The following MYO9A variants were observed in gnomAD, a reference collection of about 807,000 sequenced individuals.
MYO9A encodes the protein myosin IXA.
In MYO9A, 103 loss-of-function variants were observed where a neutral mutation model predicts 293.3. That is an observed-to-expected ratio of 0.35 (90% CI 0.30 to 0.41). MYO9A has a LOEUF of 0.41. Ranked by LOEUF, MYO9A falls within the 10% of genes least tolerant of loss-of-function variation. The pLI, the probability that MYO9A is intolerant of heterozygous loss-of-function variation, is 1.00. For missense variants in MYO9A, 2,685 were observed against 3,033.0 expected, an observed-to-expected ratio of 0.89 and a Z score of 2.69; for synonymous variants, 1,001 against 1,035.7, an observed-to-expected ratio of 0.97 and a Z score of 0.64.
chr15:72,088,956 T>C lies in MYO9A; in HGVS notation c.-72+28724A>G, dbSNP rs1596546181. On this transcript the variant is annotated intron_variant, in intron 1 of 41. Coordinates refer to ENST00000356056, the MANE Select transcript of MYO9A (RefSeq NM_006901.4). ...CCAGTCTCCCTTCTCTGGTCAATGA[T>C]GTACACTTTTGCAGAATAAAACATT... Among the ~76,000 whole-genome samples the C allele has an allele frequency of 2.0e-5, 3 of 152,316 alleles. No individual in the cohort carries two copies. In the East Asian group the frequency reaches 5.8e-4, roughly 29 times the overall value.
chr15:72,076,643 T>C (rs2079360897), intron 1 of MYO9A, among the ~76,000 whole-genome samples: 1 of 152,172 alleles, frequency 6.6e-6, no homozygotes, highest in South Asian at 2.1e-4. Context: ...AGAGGAAGAC[T>C]CAGTATTACT....
chr15:71,964,847 T>C (rs971732789), intron 13 of MYO9A, among the ~76,000 whole-genome samples: 1 of 151,682 alleles, frequency 6.6e-6, no homozygotes, highest in Non-Finnish European at 1.5e-5. Flanking sequence ...CCTAGCTACT[T>C]GGGAGGCTGA....
chr15:72,115,257 T>C (rs988130595), intron 1 of MYO9A, among the ~76,000 whole-genome samples: 7 of 152,214 alleles, frequency 4.6e-5, no homozygotes, highest in African/African-American at 1.7e-4. Flanking sequence ...CTGTATGATT[T>C]TGCCTCCAAA....
intron 8 of MYO9A, among the ~76,000 whole-genome samples, chr15:72,004,296 G>A (rs1203220559): frequency 1.3e-5 from 2 of 152,168 alleles, no homozygotes; most frequent in African/African-American, 2.4e-5. Context: ...AGTGGCTCAC[G>A]CCTGTAATCC....
chr15:72,067,428 T>C (rs1257734621), intron 1 of MYO9A, among the ~76,000 whole-genome samples: 1 of 151,792 alleles, frequency 6.6e-6, no homozygotes, highest in Non-Finnish European at 1.5e-5. Flanking sequence ...GGATTACAGG[T>C]GCCTGCCCAC....
Position 71,823,425 on chromosome 15 carries a change from G to A in MYO9A, c.*3155C>T, listed in dbSNP as rs2140330517. 6.6e-6 allele frequency: 1 copy of A among 152,366 alleles called. No homozygotes were observed. Among genetic ancestry groups the A allele is most frequent in the Admixed American group, 6.5e-5 (1 of 15,304 alleles). 9.4% of individuals were successfully genotyped at this position (152,366 alleles called of 1,614,324 possible). On this transcript the variant is annotated 3_prime_UTR_variant, in exon 42 of 42. Transcript: ENST00000356056. ...CAGGTTTCCAAAGCATGAGAAGGTG[G>A]GGGCTCTAGTATTCCATCCCAGGAC...
intron 27 of MYO9A, among the ~76,000 whole-genome samples, chr15:71,886,143 T>C (rs2057011686): frequency 6.6e-6 from 1 of 151,400 alleles, no homozygotes; most frequent in Non-Finnish European, 1.5e-5. Flanking sequence ...TATAAGGTAT[T>C]TCCTCAAATA....
intron 1 of MYO9A, among the ~76,000 whole-genome samples, chr15:72,051,215 C>T (rs906331302): frequency 6.6e-6 from 1 of 152,190 alleles, no homozygotes; most frequent in Non-Finnish European, 1.5e-5. Flanking sequence ...TAAGTGCATG[C>T]CACCGATGGC....
chr15:71,908,788 A>G (rs1382136943), intron 19 of MYO9A, among the ~76,000 whole-genome samples: 1 of 152,170 alleles, frequency 6.6e-6, no homozygotes, highest in Non-Finnish European at 1.5e-5. Context: ...CATAATATGC[A>G]TTAGGGTTCA....
At chr15:72,047,831 AC>A (rs1418574901) in intron 1 of MYO9A, among the ~76,000 whole-genome samples, 1 of 116,846 alleles carries the variant, frequency 8.6e-6, no homozygotes, top group African/African-American at 3.4e-5. Context: ...AGGCTAGAGT[AC>A]AGCGGCATGA....
rs1220551871 is a variant in MYO9A, at chr15:71,953,224, T to A, written c.2183-1328A>T. Among the ~76,000 whole-genome samples, 4 of 152,330 alleles carry A rather than the reference T, an allele frequency of 2.6e-5. No homozygotes were observed. In the East Asian group the frequency reaches 7.7e-4, roughly 29 times the overall value. ...AAGATACCTCGATAAACATACTCTG[T>A]TCTCATTATTACCAGTAATCCCCCC... On this transcript the variant is annotated intron_variant, in intron 14 of 41. Coordinates refer to ENST00000356056, the MANE Select transcript of MYO9A (RefSeq NM_006901.4).
intron 7 of MYO9A, among the ~76,000 whole-genome samples, chr15:72,009,062 C>T (rs914695737): frequency 4.7e-5 from 7 of 150,280 alleles, no homozygotes; most frequent in African/African-American, 1.8e-4. Context: ...ACGTGACTCA[C>T]AGGAAATACA....
intron 12 of MYO9A, among the ~76,000 whole-genome samples, chr15:71,970,499 A>T (rs1336335371): frequency 6.6e-6 from 1 of 152,222 alleles, no homozygotes. Context: ...GTCCCAAAAT[A>T]GTTCTTCCTA....
chr15:71,901,168 G>T, intron 23 of MYO9A, 23 bp downstream of exon 23: 1 of 1,597,050 alleles, frequency 6.3e-7, no homozygotes, highest in Non-Finnish European at 8.5e-7. Flanking sequence ...TCAATCTCAT[G>T]CAAAGAATCC....
intron 39 of MYO9A, among the ~76,000 whole-genome samples, chr15:71,830,566 G>A (rs1375049698): frequency 1.3e-5 from 2 of 152,206 alleles, no homozygotes; most frequent in African/African-American, 4.8e-5. Flanking sequence ...ACTGAGATGA[G>A]TTTCTTCTTT....
intron 1 of MYO9A, among the ~76,000 whole-genome samples, chr15:72,116,413 T>C (rs1446115836): frequency 6.6e-6 from 1 of 152,194 alleles, no homozygotes; most frequent in Non-Finnish European, 1.5e-5. Context: ...GGAGCTCAAC[T>C]TCTACAAACA....
At position 71,933,662 on chromosome 15, in the gene MYO9A, G is replaced by A. The variant is rs2058546170; in HGVS notation, c.2562+8C>T. 1 of 1,601,068 alleles carries A rather than the reference G, an allele frequency of 6.2e-7. No homozygotes were observed. Among genetic ancestry groups the A allele is most frequent in the African/African-American group, 1.3e-5 (1 of 74,094 alleles). On this transcript the variant is annotated splice_region_variant and intron_variant, in intron 18 of 41. Coordinates refer to ENST00000356056, the MANE Select transcript of MYO9A (RefSeq NM_006901.4). ...TACCAATACAAAAAAAGTTTTCATA[G>A]TACTCACCTTTGGAAGGGCAGGCTT...
chr15:71,852,253 C>G lies in MYO9A; in HGVS notation c.6354G>C (p.Glu2118Asp). 1.2e-6 allele frequency: 2 copies of G among 1,608,056 alleles called. No individual in the cohort carries two copies. The highest frequency in any genetic ancestry group is 1.7e-6 in the Non-Finnish European group (2 of 1,175,994). Reference protein sequence around the residue: ...ELRQGLDTDAESVNLDDYNIH... With the variant: ...ELRQGLDTDADSVNLDDYNIH... Reference sequence around the variant, plus strand: ...TGTTATAGTCATCTAGATTTACACTCTCAGCATCTATTTAGAGACAAGAGT... The same window carrying G: ...TGTTATAGTCATCTAGATTTACACTGTCAGCATCTATTTAGAGACAAGAGT... Residue 2118 changes from glutamate to aspartate, a missense_variant, in exon 36 of 42, where the codon GAG becomes GAC. Physicochemically the swap from Glu to Asp is conservative, Grantham distance 45 (BLOSUM62 2). Transcript: ENST00000356056.
At chr15:72,112,834 T>C (rs1393467797) in intron 1 of MYO9A, among the ~76,000 whole-genome samples, 1 of 152,208 alleles carries the variant, frequency 6.6e-6, no homozygotes, top group Non-Finnish European at 1.5e-5. Flanking sequence ...ATATTCTATA[T>C]CTTGATGTAG....
Sources: gnomAD v4.1 joint callset for allele counts (sites outside exome capture counted in the v4.1 genomes callset) on GRCh38, gnomAD v4.1.1 for gene constraint, MANE v1.5 for transcripts, NCBI Gene and HGNC (gene_info 2026-07-23, HGNC 2026-07-21) for gene names.